TNC: variants seen among roughly 807,000 people sequenced by gnomAD.
TNC encodes the protein tenascin C.
A neutral mutation model predicts 202.4 loss-of-function variants in TNC; 109 were observed. That is an observed-to-expected ratio of 0.54 (90% CI 0.46 to 0.63). TNC has a LOEUF of 0.63. TNC is among the 30% of genes least tolerant of loss of function. The pLI is 0.00. For synonymous variants in TNC, 1,007 were observed against 1,089.7 expected (o/e 0.92, Z 1.50); for missense variants, 2,756 against 2,833.3 (o/e 0.97, Z 0.62).
At position 115,059,804 on chromosome 9, in the gene TNC, G is replaced by T. The variant is rs772861856; in HGVS notation, c.4232C>A (p.Thr1411Lys). The T allele has an allele frequency of 6.2e-7, 1 of 1,613,972 alleles. No individual in the cohort carries two copies. Among genetic ancestry groups the T allele is most frequent in the African/African-American group, 1.3e-5 (1 of 74,926 alleles). Reference sequence around the variant, plus strand: ...CCCATAGATGGAGACTCTATAAGGCGTGGCAGCCTCGAGGCCCGGGATGTC... The same window carrying T: ...CCCATAGATGGAGACTCTATAAGGCTTGGCAGCCTCGAGGCCCGGGATGTC... ...AVDIPGLEAA[T>K]PYRVSIYGVI... is the part of the protein sequence containing the mutation. Residue 1411 changes from threonine to lysine, a missense_variant, in exon 14 of 28, where the codon ACG (threonine) becomes AAG (lysine). By Grantham distance (78) the Thr-to-Lys change is moderately conservative. This residue lies in a region of TNC where 2,559 missense variants were observed against 2,546.0 expected (regional missense o/e 1.01). Coordinates refer to ENST00000350763, the MANE Select transcript of TNC (RefSeq NM_002160.4).
rs554659190 is a variant in TNC, at chr9:115,084,452, C to T, written c.1888G>A (p.Val630Ile). 5.3e-5 allele frequency: 85 copies of T among 1,614,128 alleles called. No individual in the cohort carries two copies. Among genetic ancestry groups the T allele is most frequent in the East Asian group, 6.7e-5 (3 of 44,882 alleles). Reference sequence around the variant, plus strand: ...GTCTCTTCCGTCACTTCTGTCACAACGAGGTCTTTGGGAGGAGACACTGGC... The same window carrying T: ...GTCTCTTCCGTCACTTCTGTCACAATGAGGTCTTTGGGAGGAGACACTGGC... ...CSEVSPPKDL[V>I]VTEVTEETVN... Residue 630 changes from valine (V) to isoleucine (I), a missense_variant, in exon 4 of 28, where the codon GTT (valine) becomes ATT (isoleucine). Coordinates refer to ENST00000350763, the MANE Select transcript of TNC (RefSeq NM_002160.4).
chr9:115,020,686 A>C lies in TNC; in HGVS notation c.*471T>G, dbSNP rs1300861693. The C allele has an allele frequency of 8.8e-6, 3 of 339,778 alleles. No homozygotes were observed. The highest frequency in any genetic ancestry group is 1.7e-5 in the Non-Finnish European group (3 of 172,836). The allele number at this position is 339,778 out of a possible 1,614,324, so 21.0% of individuals were successfully genotyped here. The stretch of plus-strand genomic sequence containing the variant: ...AATATTAATCATATCCTTAAAATGG[A>C]AACAGTATTGCTTTTCTGGTTTCTG... On this transcript the variant is annotated 3_prime_UTR_variant, in exon 28 of 28. Transcript: ENST00000350763.
rs1253941837 is a variant in TNC, at chr9:115,118,035, G to A, written c.-190C>T. The A allele has an allele frequency of 6.6e-6, 1 of 151,296 alleles. No individual in the cohort carries two copies. Among genetic ancestry groups the A allele is most frequent in the Non-Finnish European group, 1.5e-5 (1 of 67,770 alleles). 9.4% of individuals were successfully genotyped at this position (151,296 alleles called of 1,614,324 possible). A position where few individuals can be genotyped will look rare whatever the true frequency, so the allele number is the denominator to read the frequency against. ...TTGGAAGAAGTACCTGGAGTGTGGAGCTGCGGCGGTTCCCACGTGCGCGTT... is the reference window on the plus strand; with the variant it reads ...TTGGAAGAAGTACCTGGAGTGTGGAACTGCGGCGGTTCCCACGTGCGCGTT... On this transcript the variant is annotated 5_prime_UTR_variant, in exon 1 of 28. Coordinates refer to ENST00000350763, the MANE Select transcript of TNC (RefSeq NM_002160.4).
intron 6 of TNC, 130 bp downstream of exon 6, chr9:115,081,642 T>C (rs2133310692): frequency 2.8e-6 from 3 of 1,075,764 alleles, no homozygotes; most frequent in East Asian, 4.8e-5. Context: ...AACCACTGTA[T>C]CTGGATTTTT....
At chr9:115,087,313 C>T (rs1183533972) in intron 2 of TNC, 40 bp from the exon 3 acceptor site, 1 of 1,594,440 alleles carries the variant, frequency 6.3e-7, no homozygotes, top group East Asian at 2.3e-5. Context: ...CAGGCTTAAG[C>T]AGCCACATTT....
At chr9:115,077,018 C>T (rs1271969320) in intron 7 of TNC, among the ~76,000 whole-genome samples, 2 of 152,144 alleles carry the variant, frequency 1.3e-5, no homozygotes, top group Non-Finnish European at 2.9e-5. Flanking sequence ...CTGCCTCAGC[C>T]TCCCGAGTAC....
intron 2 of TNC, among the ~76,000 whole-genome samples, chr9:115,088,188 C>T (rs1834943552): frequency 1.3e-5 from 2 of 152,200 alleles, no homozygotes; most frequent in Admixed American, 6.5e-5. Flanking sequence ...GCCCACTTCC[C>T]TGGGGTATAT....
chr9:115,036,374 T>TAATGATAC, intron 20 of TNC, 133 bp from the exon 21 acceptor site: 1 of 986,942 alleles, frequency 1.0e-6, no homozygotes, highest in Non-Finnish European at 1.5e-6. Context: ...AGGTCTGATT[T>TAATGATAC]CTGAAATGAC....
At chr9:115,104,432 C>T (rs559200603) in intron 1 of TNC, among the ~76,000 whole-genome samples, 61 of 152,170 alleles carry the variant, frequency 4.0e-4, no homozygotes, top group Middle Eastern at 3.4e-3. Context: ...AATTTAGTCC[C>T]GAAAGACCCT....
Position 115,086,223 on chromosome 9 carries a change from C to G in TNC, c.1508G>C (p.Arg503Thr), listed in dbSNP as rs114407480. 2 of 1,614,198 alleles carry G rather than the reference C, an allele frequency of 1.2e-6. No homozygotes were observed. The highest frequency in any genetic ancestry group is 2.2e-5 in the South Asian group (2 of 91,084). Reference sequence around the variant, plus strand: ...ACAGAGGCCCCTGTTGCTGCAGTCCCTGGGGCATTGGCGATCCCGGCAGTC... The same window carrying G: ...ACAGAGGCCCCTGTTGCTGCAGTCCGTGGGGCATTGGCGATCCCGGCAGTC... ...GEDCRDRQCPRDCSNRGLCVD... is the reference protein window; with the variant it reads ...GEDCRDRQCPTDCSNRGLCVD... Residue 503 changes from arginine to threonine, a missense_variant, in exon 3 of 28, where the codon AGG becomes ACG. Around this residue, in one of 2 missense-constraint regions of TNC, gnomAD observed 2,559 missense variants for 2,546.0 expected, o/e 1.01. Coordinates refer to ENST00000350763, the MANE Select transcript of TNC (RefSeq NM_002160.4).
chr9:115,041,151 A>G (rs1830707404), intron 18 of TNC, 67 bp from the exon 19 acceptor site: 1 of 1,500,778 alleles, frequency 6.7e-7, no homozygotes, highest in African/African-American at 1.4e-5. Context: ...TGTTGCCCCC[A>G]AAAAGAGTGT....
chr9:115,044,893 G>C (rs57080282), intron 17 of TNC, among the ~76,000 whole-genome samples: 1 of 152,162 alleles, frequency 6.6e-6, no homozygotes, highest in African/African-American at 2.4e-5. Context: ...ATTAGGTCCT[G>C]AAAACTTAAC....
chr9:115,055,397 A>G (rs1252323505), intron 15 of TNC: 1 of 152,596 alleles, frequency 6.6e-6, no homozygotes, highest in Non-Finnish European at 1.5e-5. Flanking sequence ...AGGAGGGTGA[A>G]AAGTGGGTAG....
chr9:115,041,309 C>A (rs12343556), intron 18 of TNC, among the ~76,000 whole-genome samples: 17 of 132,392 alleles, frequency 1.3e-4, no homozygotes, highest in African/African-American at 3.2e-4. Flanking sequence ...CCAGGAGGGG[C>A]GGGGGAAAAC....
intron 1 of TNC, among the ~76,000 whole-genome samples, chr9:115,091,833 C>T (rs578035663): frequency 2.6e-5 from 4 of 152,342 alleles, no homozygotes; most frequent in African/African-American, 7.2e-5. Flanking sequence ...CTCAGTTTCC[C>T]TGCTCCTTGA....
At chr9:115,078,921 C>A (rs868250883) in intron 6 of TNC, among the ~76,000 whole-genome samples, 23 of 152,186 alleles carry the variant, frequency 1.5e-4, no homozygotes, top group Admixed American at 5.2e-4. Flanking sequence ...GATCATACTT[C>A]CCTCTAAAAA....
intron 22 of TNC, among the ~76,000 whole-genome samples, chr9:115,033,531 A>G (rs1830099603): frequency 6.6e-6 from 1 of 152,218 alleles, no homozygotes; most frequent in African/African-American, 2.4e-5. Context: ...AAAGATGGAT[A>G]AGTCCAAGGC....
Position 115,076,410 on chromosome 9 carries a change from G to A in TNC, c.2840C>T (p.Thr947Ile). The A allele has an allele frequency of 6.2e-7, 1 of 1,613,926 alleles. No homozygotes were observed. The highest frequency in any genetic ancestry group is 8.5e-7 in the Non-Finnish European group (1 of 1,179,900). Residue 947 changes from threonine to isoleucine, a missense_variant, in exon 8 of 28, where the codon ACA becomes ATA. Physicochemically the swap from Thr to Ile is moderately conservative, Grantham distance 89 (BLOSUM62 -1). Around this residue, in one of 2 missense-constraint regions of TNC, gnomAD observed 2,559 missense variants for 2,546.0 expected, o/e 1.01. Coordinates refer to ENST00000350763, the MANE Select transcript of TNC (RefSeq NM_002160.4). ...EVDVPKSQQA[T>I]TKTTLTGLRP... ...CTCACCTGTGAGTGTGGTTTTGGTT[G>A]TGGCTTGTTGGCTCTTTGGAACATC...
rs1828975413 is a variant in TNC at position 115,020,341 on chromosome 9, T to C, written c.*816A>G. 6.3e-6 allele frequency: 1 copy of C among 157,706 alleles called. No homozygotes were observed. The highest frequency in any genetic ancestry group is 2.4e-5 in the African/African-American group (1 of 41,370). The allele number at this position is 157,706 out of a possible 1,614,324, so 9.8% of individuals were successfully genotyped here. The stretch of plus-strand genomic sequence containing the variant: ...GTGTTGGGATTACAGGCCTGGCCTG[T>C]AAGCTTTTCCCAAGTGTGTTCAACT... On this transcript the variant is annotated 3_prime_UTR_variant, in exon 28 of 28. Coordinates refer to ENST00000350763, the MANE Select transcript of TNC (RefSeq NM_002160.4).
Sources: allele counts gnomAD v4.1 joint callset (sites outside exome capture counted in the v4.1 genomes callset), GRCh38; gene constraint gnomAD v4.1.1; regional missense constraint gnomAD v4.1.1; transcripts MANE v1.5; gene names NCBI Gene and HGNC (gene_info 2026-07-23, HGNC 2026-07-21).